NVL: variants seen among roughly 807,000 people sequenced by gnomAD.
NVL encodes nuclear valosin-containing protein-like.
NVL carries 84 observed loss-of-function variants against 110.2 expected under a neutral mutation model. The observed-to-expected ratio is 0.76, with a 90% confidence interval of 0.64 to 0.91. NVL has a LOEUF of 0.91. NVL is among the 40% of genes least tolerant of loss of function. NVL has a pLI of 0.00. For missense variants in NVL, 882 were observed against 1,035.9 expected (o/e 0.85, Z 2.04); for synonymous variants, 354 against 361.1 (o/e 0.98, Z 0.22).
chr1:224,234,674 C>T (rs943845806), intron 20 of NVL, among the ~76,000 whole-genome samples: 3 of 152,132 alleles, frequency 2.0e-5, no homozygotes, highest in Non-Finnish European at 4.4e-5. Flanking sequence ...TTAATAATCA[C>T]ATACCTGCTG....
chr1:224,293,240 T>C (rs968328598), intron 12 of NVL, among the ~76,000 whole-genome samples: 2 of 151,748 alleles, frequency 1.3e-5, no homozygotes, highest in Admixed American at 1.3e-4. Flanking sequence ...TGGCTAATTT[T>C]TTGTATTTTT....
In NVL at chr1:224,296,573, T is replaced by C. The variant is rs750938884; in HGVS notation, c.1108A>G (p.Thr370Ala). ...TTTGAAGCCACTTCTCTTTTGGGGG[T>C]AATAGCATCAATTTCATCAATGAAA... is the stretch of plus-strand genomic sequence containing the variant. ...IIFIDEIDAI[T>A]PKREVASKDM... The change falls in exon 11 of 23, where the codon ACC becomes GCC. Residue 370 changes from threonine (T) to alanine (A), a missense_variant. Physicochemically the swap from Thr to Ala is moderately conservative, Grantham distance 58. Transcript: ENST00000281701. The C allele has an allele frequency of 6.2e-7, 1 of 1,606,574 alleles. No homozygotes were observed. The highest frequency in any genetic ancestry group is 1.1e-5 in the South Asian group (1 of 89,472).
intron 14 of NVL, among the ~76,000 whole-genome samples, chr1:224,286,602 T>C (rs1413012412): frequency 6.6e-6 from 1 of 152,236 alleles, no homozygotes; most frequent in Non-Finnish European, 1.5e-5. Flanking sequence ...GAAAAGTCCC[T>C]GCACTTGAGG....
At chr1:224,236,721 T>C (rs1248078645) in intron 19 of NVL, 139 bp from the exon 20 acceptor site, 4 of 618,968 alleles carry the variant, frequency 6.5e-6, no homozygotes, top group South Asian at 1.7e-5. Flanking sequence ...GACCAACCTG[T>C]GGAACATGGT....
chr1:224,287,675 A>C, intron 14 of NVL, 100 bp downstream of exon 14: 2 of 877,514 alleles, frequency 2.3e-6, no homozygotes. Flanking sequence ...GATTATAGTC[A>C]AGTCAGTTTA....
At chr1:224,231,058 G>A (rs984015912) in intron 22 of NVL, among the ~76,000 whole-genome samples, 168 bp downstream of exon 22, 17 of 151,706 alleles carry the variant, frequency 1.1e-4, no homozygotes, top group East Asian at 1.9e-4. Context: ...GTGTGAACCC[G>A]GGAGGCAGAG....
Position 224,294,260 on chromosome 1 carries a change from A to G in NVL, c.1325+7T>C. 6 of 1,614,080 alleles carry G rather than the reference A, an allele frequency of 3.7e-6. No individual in the cohort carries two copies. The highest frequency in any genetic ancestry group is 1.3e-5 in the African/African-American group (1 of 75,048). ...TGGCATACAAACTTCATTCTATAAG[A>G]ATATACCTTTCCCTGGATGCTTCAT... On this transcript the variant is annotated splice_region_variant and intron_variant, in intron 12 of 22. Coordinates refer to ENST00000281701, the MANE Select transcript of NVL (RefSeq NM_002533.4).
intron 20 of NVL, among the ~76,000 whole-genome samples, chr1:224,235,519 G>A (rs1036655782): frequency 2.6e-5 from 4 of 152,010 alleles, no homozygotes; most frequent in Admixed American, 2.6e-4. Context: ...AGGGGGTGAG[G>A]CACATCCTAT....
chr1:224,228,624 A>G (rs1659468381), intron 22 of NVL, among the ~76,000 whole-genome samples: 1 of 150,296 alleles, frequency 6.7e-6, no homozygotes, highest in Admixed American at 6.6e-5. Context: ...AGCTTCTTAC[A>G]CTACATTAAC....
intron 19 of NVL, among the ~76,000 whole-genome samples, chr1:224,242,656 T>A (rs529826300): frequency 5.9e-5 from 9 of 151,632 alleles, no homozygotes; most frequent in Non-Finnish European, 1.2e-4. Flanking sequence ...TCAGCAGAGA[T>A]GGGCTTTCAC....
At chr1:224,304,137 A>G (rs1426489758) in intron 8 of NVL, among the ~76,000 whole-genome samples, 1 of 152,078 alleles carries the variant, frequency 6.6e-6, no homozygotes, top group Non-Finnish European at 1.5e-5. Flanking sequence ...AAATAAAGTT[A>G]CCATTACGGC....
chr1:224,313,557 G>A (rs575186089), intron 4 of NVL, among the ~76,000 whole-genome samples: 2 of 152,140 alleles, frequency 1.3e-5, no homozygotes, highest in Admixed American at 6.5e-5. Context: ...CATATAAAGA[G>A]GTATTATTTT....
At chr1:224,231,822 C>T (rs10916534) in intron 21 of NVL, among the ~76,000 whole-genome samples, 112,892 of 150,176 alleles carry the variant, frequency 0.75, 43,791 homozygotes, top group South Asian at 0.86. Context: ...ATCAGGAGTT[C>T]GAGACCAGCC....
chr1:224,275,340 T>G lies in NVL; in HGVS notation c.2081A>C (p.Glu694Ala). 6.2e-7 allele frequency: 1 copy of G among 1,614,176 alleles called. No individual in the cohort carries two copies. ...AAACCACTAGTCCATGATACTTACC[T>G]CTCGGTCTGATCTTCGAGGACATAA... is the stretch of plus-strand genomic sequence containing the variant. ...DALCPRRSDR[E>A]TGASVRVVNQ... Residue 694 changes from glutamate (E) to alanine (A), a missense_variant and splice_region_variant, in exon 17 of 23, where the codon GAG (glutamate) becomes GCG (alanine). This residue lies in a region of NVL where 66 missense variants were observed against 127.5 expected (regional missense o/e 0.52). Transcript: ENST00000281701.
chr1:224,228,639 A>G (rs1388772275), intron 22 of NVL, among the ~76,000 whole-genome samples: 3 of 150,198 alleles, frequency 2.0e-5, no homozygotes, highest in Admixed American at 1.3e-4. Context: ...ATTAACATTC[A>G]TAAGAAACTG....
At chr1:224,238,553 T>C (rs949932686) in intron 19 of NVL, among the ~76,000 whole-genome samples, 3 of 152,224 alleles carry the variant, frequency 2.0e-5, no homozygotes, top group African/African-American at 7.2e-5. Flanking sequence ...AAAATGGACA[T>C]GTTATCTACC....
chr1:224,252,655 C>T (rs1277696932), intron 18 of NVL, among the ~76,000 whole-genome samples: 1 of 152,170 alleles, frequency 6.6e-6, no homozygotes, highest in African/African-American at 2.4e-5. Flanking sequence ...GGAATTCTCT[C>T]TTGGAATGCT....
At chr1:224,248,949 T>C (rs1314635331) in intron 19 of NVL, among the ~76,000 whole-genome samples, 1 of 152,156 alleles carries the variant, frequency 6.6e-6, no homozygotes, top group Non-Finnish European at 1.5e-5. Context: ...GGGAGGTATC[T>C]CCAACTGGAT....
intron 18 of NVL, among the ~76,000 whole-genome samples, chr1:224,260,439 A>G (rs1663834725): frequency 6.6e-6 from 1 of 152,030 alleles, no homozygotes; most frequent in Non-Finnish European, 1.5e-5. Flanking sequence ...TTGTATTTTC[A>G]GTAGAGACGG....
Sources: allele counts gnomAD v4.1 joint callset (sites outside exome capture counted in the v4.1 genomes callset), GRCh38; gene constraint gnomAD v4.1.1; regional missense constraint gnomAD v4.1.1; transcripts MANE v1.5; gene names NCBI Gene and HGNC (gene_info 2026-07-23, HGNC 2026-07-21).